TRAPPC9: variants seen among roughly 807,000 people sequenced by gnomAD.
TRAPPC9 encodes the protein IKK2 binding protein.
In TRAPPC9, 83 loss-of-function variants were observed where a neutral mutation model predicts 124.0. The observed-to-expected ratio is 0.67, with a 90% confidence interval of 0.56 to 0.80. The LOEUF is 0.80. TRAPPC9 is among the 30% of genes least tolerant of loss of function. The probability of loss-of-function intolerance (pLI) is 0.00; values close to 1 mark genes in which losing one functional copy is unlikely to be tolerated. For synonymous variants in TRAPPC9, 638 were observed against 617.5 expected (o/e 1.03, Z -0.49); for missense variants, 1,302 against 1,508.3 (o/e 0.86, Z 2.27).
At chr8:139,870,978 C>T (rs1384916183) in intron 21 of TRAPPC9, among the ~76,000 whole-genome samples, 2 of 152,148 alleles carry the variant, frequency 1.3e-5, no homozygotes, top group Non-Finnish European at 2.9e-5. Context: ...GGAGGCGGGC[C>T]GTCTCTCTTC....
chr8:139,751,046 C>A (rs898703955), intron 21 of TRAPPC9, among the ~76,000 whole-genome samples: 2 of 152,194 alleles, frequency 1.3e-5, no homozygotes, highest in East Asian at 1.9e-4. Context: ...TGTGCCAGGG[C>A]AAGCCAGCAG....
At chr8:140,071,989 C>T (rs745473346) in intron 17 of TRAPPC9, among the ~76,000 whole-genome samples, 6 of 152,158 alleles carry the variant, frequency 3.9e-5, no homozygotes, top group African/African-American at 7.2e-5. Flanking sequence ...TCTCAACTGA[C>T]GCAGAAAAAG....
intron 17 of TRAPPC9, among the ~76,000 whole-genome samples, chr8:140,052,295 CCTT>C (rs1401556957): frequency 1.3e-5 from 2 of 152,120 alleles, no homozygotes; most frequent in Non-Finnish European, 2.9e-5. Flanking sequence ...TGCAAGGAAA[CCTT>C]CTCTTTAAAA....
chr8:140,152,235 TAAAA>T (rs71320343), intron 17 of TRAPPC9, among the ~76,000 whole-genome samples: 156 of 106,692 alleles, frequency 1.5e-3, no homozygotes, highest in African/African-American at 5.0e-3. Context: ...ACTTAAGCTT[TAAAA>T]AAAAAAAAAA....
At chr8:140,439,688 C>A (rs114493313) in intron 2 of TRAPPC9, among the ~76,000 whole-genome samples, 374 of 152,312 alleles carry the variant, frequency 2.5e-3, no homozygotes, top group African/African-American at 8.7e-3. Flanking sequence ...GAGAGCAGGG[C>A]CTGGGGTGCT....
intron 6 of TRAPPC9, among the ~76,000 whole-genome samples, chr8:140,402,704 A>G (rs946799688): frequency 1.1e-4 from 16 of 152,136 alleles, no homozygotes; most frequent in South Asian, 6.2e-4. Context: ...TCAAAAAAAA[A>G]AAAGAAAGAA....
intron 19 of TRAPPC9, among the ~76,000 whole-genome samples, chr8:139,979,861 G>A (rs7837321): frequency 2.0e-5 from 3 of 151,628 alleles, no homozygotes; most frequent in South Asian, 4.2e-4. Flanking sequence ...AGCCGTGGCC[G>A]ATGGGCAAGT....
chr8:140,455,985 G>A (rs1178954604), intron 1 of TRAPPC9, among the ~76,000 whole-genome samples: 1 of 152,182 alleles, frequency 6.6e-6, no homozygotes, highest in Non-Finnish European at 1.5e-5. Context: ...TATATCGAAA[G>A]TAAACCGGTG....
rs139636486 is a variant in TRAPPC9, at chr8:140,423,372, G to A, written c.886+3243C>T. Among the ~76,000 whole-genome samples, 687 of 151,858 alleles carry A rather than the reference G, an allele frequency of 4.5e-3. 6 individuals carry two copies. Among genetic ancestry groups the A allele is most frequent in the African/African-American group, 0.016 (650 of 41,410 alleles). ...GGAGAATCGCTTGAACCCAGGAGGC[G>A]GAGGTTGCAGTGAGCCAAGACCGCA... On this transcript the variant is annotated intron_variant, in intron 5 of 22. Transcript: ENST00000438773.
intron 19 of TRAPPC9, among the ~76,000 whole-genome samples, chr8:139,926,422 C>G (rs369367105): frequency 6.6e-6 from 1 of 152,096 alleles, no homozygotes; most frequent in African/African-American, 2.4e-5. Context: ...ATGGGTACCC[C>G]AAGATCACCC....
At chr8:140,277,362 C>T (rs1391139904) in intron 14 of TRAPPC9, among the ~76,000 whole-genome samples, 5 of 152,232 alleles carry the variant, frequency 3.3e-5, no homozygotes, top group African/African-American at 1.2e-4. Flanking sequence ...AAATAAACTT[C>T]CTCTGTCAAG....
At chr8:140,194,699 A>G (rs2062594148) in intron 17 of TRAPPC9, among the ~76,000 whole-genome samples, 1 of 152,184 alleles carries the variant, frequency 6.6e-6, no homozygotes, top group African/African-American at 2.4e-5. Context: ...CAGCTCTGGT[A>G]TCAACTGTCT....
At chr8:140,173,991 G>C (rs990561347) in intron 17 of TRAPPC9, among the ~76,000 whole-genome samples, 1 of 152,196 alleles carries the variant, frequency 6.6e-6, no homozygotes, top group Non-Finnish European at 1.5e-5. Context: ...TAGCATGGCA[G>C]ATGACACACG....
chr8:139,747,641 T>C (rs1303229509), intron 21 of TRAPPC9, among the ~76,000 whole-genome samples: 5 of 14,290 alleles, frequency 3.5e-4, no homozygotes, highest in African/African-American at 4.3e-4. Context: ...GCAGGGGGTA[T>C]ACACAGCAGG....
intron 17 of TRAPPC9, among the ~76,000 whole-genome samples, chr8:140,085,503 C>T (rs1844129597): frequency 1.3e-5 from 2 of 152,206 alleles, no homozygotes; most frequent in South Asian, 4.1e-4. Flanking sequence ...ACCACCAAAA[C>T]CTCTCTCGAA....
chr8:140,016,411 C>G (rs1429160797), intron 18 of TRAPPC9, among the ~76,000 whole-genome samples: 8 of 152,180 alleles, frequency 5.3e-5, no homozygotes, highest in Non-Finnish European at 1.2e-4. Flanking sequence ...GCAAACCAGA[C>G]AGTTGCTAAC....
intron 18 of TRAPPC9, among the ~76,000 whole-genome samples, chr8:139,995,229 G>A (rs938540011): frequency 6.6e-6 from 1 of 152,226 alleles, no homozygotes; most frequent in East Asian, 1.9e-4. Context: ...GGACTCCAGA[G>A]GCGTGCCCTG....
intron 16 of TRAPPC9, among the ~76,000 whole-genome samples, chr8:140,229,373 T>C (rs773856564): frequency 6.8e-6 from 1 of 147,984 alleles, no homozygotes; most frequent in Non-Finnish European, 1.5e-5. Flanking sequence ...AGCAATTCTC[T>C]GCCTCAGCCT....
In TRAPPC9 at chr8:140,322,359, A is replaced by G. The variant is rs575968569; in HGVS notation, c.1496-10985T>C. On this transcript the variant is annotated intron_variant, in intron 9 of 22. Transcript: ENST00000438773. ...TACACCCAGCTCAACTGCAGATCAG[A>G]TTGGCAATGCCCCACCCCCCTGGTG... 2.5e-4 allele frequency among the ~76,000 whole-genome samples: 38 copies of G among 152,360 alleles called. 1 individual carries two copies. Among genetic ancestry groups the G allele is most frequent in the African/African-American group, 9.1e-4 (38 of 41,590 alleles).
Sources: allele counts gnomAD v4.1 joint callset (sites outside exome capture counted in the v4.1 genomes callset), GRCh38; gene constraint gnomAD v4.1.1; transcripts MANE v1.5; gene names NCBI Gene and HGNC (gene_info 2026-07-23, HGNC 2026-07-21).